TBC1D5: variants seen among roughly 807,000 people sequenced by gnomAD.
TBC1D5 encodes the protein TBC1 domain family, member 5.
TBC1D5 carries 75 observed loss-of-function variants against 100.3 expected under a neutral mutation model. That is an observed-to-expected ratio of 0.75 (90% confidence interval 0.62 to 0.91). TBC1D5 has a LOEUF of 0.91. TBC1D5 is among the 40% of genes least tolerant of loss of function. The probability of loss-of-function intolerance (pLI) is 0.00; values close to 1 mark genes in which losing one functional copy is unlikely to be tolerated. For synonymous variants in TBC1D5, 323 were observed against 325.6 expected, an observed-to-expected ratio of 0.99 and a Z score of 0.09; for missense variants, 910 against 942.4, an observed-to-expected ratio of 0.97 and a Z score of 0.45.
intron 15 of TBC1D5, among the ~76,000 whole-genome samples, chr3:17,259,808 T>C (rs1384973711): frequency 6.6e-6 from 1 of 152,166 alleles, no homozygotes. Flanking sequence ...GGACCTTTTC[T>C]TTTTCTGCTG....
intron 2 of TBC1D5, among the ~76,000 whole-genome samples, chr3:17,548,077 G>C (rs1183973735): frequency 1.3e-5 from 2 of 152,156 alleles, no homozygotes; most frequent in East Asian, 1.9e-4. Flanking sequence ...CATTTTGGGA[G>C]GCCAAGGTGG....
At chr3:17,288,170 A>G (rs991869900) in intron 15 of TBC1D5, among the ~76,000 whole-genome samples, 1 of 152,016 alleles carries the variant, frequency 6.6e-6, no homozygotes, top group Non-Finnish European at 1.5e-5. Flanking sequence ...TTTCCCCCTT[A>G]GCATAAATAG....
chr3:17,205,638 T>C (rs1447580272), intron 18 of TBC1D5, among the ~76,000 whole-genome samples: 2 of 152,184 alleles, frequency 1.3e-5, no homozygotes, highest in Non-Finnish European at 2.9e-5. Context: ...TGGTCCTCTG[T>C]CATGAGCCTC....
intron 13 of TBC1D5, among the ~76,000 whole-genome samples, chr3:17,363,607 C>T (rs954967603): frequency 6.6e-6 from 1 of 150,998 alleles, no homozygotes; most frequent in Admixed American, 6.6e-5. Context: ...ACAAGGGTCT[C>T]ACTACCTTGC....
At chr3:17,484,879 G>A (rs932782676) in intron 3 of TBC1D5, among the ~76,000 whole-genome samples, 2 of 152,046 alleles carry the variant, frequency 1.3e-5, no homozygotes, top group Non-Finnish European at 1.5e-5. Flanking sequence ...GATGAGAGGC[G>A]AGAGTGGAAA....
chr3:17,731,269 G>A (rs1332997224), intron 1 of TBC1D5, among the ~76,000 whole-genome samples: 1 of 152,028 alleles, frequency 6.6e-6, no homozygotes. Context: ...TTGGGAGGCC[G>A]AGGCGGGCGG....
At chr3:17,705,412 G>A (rs1299488137) in intron 1 of TBC1D5, among the ~76,000 whole-genome samples, 1 of 144,944 alleles carries the variant, frequency 6.9e-6, no homozygotes, top group East Asian at 2.3e-4. Context: ...CTTCCCAGAT[G>A]GGGTGGCTGC....
At chr3:17,476,029 T>A (rs1480373704) in intron 3 of TBC1D5, among the ~76,000 whole-genome samples, 3 of 152,066 alleles carry the variant, frequency 2.0e-5, no homozygotes, top group Non-Finnish European at 2.9e-5. Flanking sequence ...TACTACAAAA[T>A]ATAGGCCTTT....
At chr3:17,478,064 C>G (rs987152463) in intron 3 of TBC1D5, among the ~76,000 whole-genome samples, 6 of 152,024 alleles carry the variant, frequency 3.9e-5, no homozygotes, top group African/African-American at 2.4e-5. Context: ...CTCACTATAC[C>G]TTTTCATATG....
chr3:17,258,657 G>A, intron 15 of TBC1D5, 66 bp from the exon 16 acceptor site: 4 of 1,253,596 alleles, frequency 3.2e-6, no homozygotes, highest in Admixed American at 1.9e-5. Flanking sequence ...TAAGAGGACA[G>A]CAATGATCAT....
At chr3:17,603,159 T>G (rs576342815) in intron 2 of TBC1D5, among the ~76,000 whole-genome samples, 9 of 150,968 alleles carry the variant, frequency 6.0e-5, no homozygotes, top group African/African-American at 1.2e-4. Context: ...TTTTTGGTTT[T>G]TTTTTTTTTT....
At chr3:17,447,523 T>C (rs1177265282) in intron 3 of TBC1D5, among the ~76,000 whole-genome samples, 5 of 152,326 alleles carry the variant, frequency 3.3e-5, no homozygotes, top group Middle Eastern at 6.8e-3. Flanking sequence ...ACAGATGTAG[T>C]TGCAGGTAAC....
chr3:17,320,017 T>C (rs901860292), intron 13 of TBC1D5, among the ~76,000 whole-genome samples: 10 of 152,208 alleles, frequency 6.6e-5, no homozygotes, highest in Non-Finnish European at 1.3e-4. Flanking sequence ...CATAAGTGGA[T>C]GTATAGTAAC....
intron 1 of TBC1D5, among the ~76,000 whole-genome samples, chr3:17,633,668 T>G (rs909441711): frequency 2.0e-5 from 3 of 152,196 alleles, no homozygotes; most frequent in African/African-American, 7.2e-5. Flanking sequence ...TAAGAGAGTG[T>G]AGAATAATAT....
rs568880959 is a variant in TBC1D5, at chr3:17,489,595, T to C, written c.97+18879A>G. Among the ~76,000 whole-genome samples, 9 of 152,322 alleles carry C rather than the reference T, an allele frequency of 5.9e-5. No homozygotes were observed. In the South Asian group the frequency reaches 1.7e-3, roughly 28 times the overall value. ...CATCTACTGTTTGGTTTTCTGTTCCTGCATTAATTTGCTGAGGATAATGGC... is the reference window on the plus strand; with the variant it reads ...CATCTACTGTTTGGTTTTCTGTTCCCGCATTAATTTGCTGAGGATAATGGC... On this transcript the variant is annotated intron_variant, in intron 3 of 21. Coordinates refer to ENST00000253692, the Ensembl canonical transcript of TBC1D5.
chr3:17,256,535 AAG>A (rs1469472504), intron 16 of TBC1D5, among the ~76,000 whole-genome samples: 1 of 151,550 alleles, frequency 6.6e-6, no homozygotes, highest in East Asian at 1.9e-4. Flanking sequence ...GAGAAGGCTA[AAG>A]AGAAGAAAAT....
intron 4 of TBC1D5, 67 bp from the exon 5 acceptor site, chr3:17,406,593 A>T (rs545504924): frequency 7.0e-7 from 1 of 1,431,284 alleles, no homozygotes; most frequent in South Asian, 1.2e-5. Context: ...GAGAAGTTCT[A>T]CGGGAAATTA....
chr3:17,487,293 C>G (rs2095581379), intron 3 of TBC1D5, among the ~76,000 whole-genome samples: 1 of 152,176 alleles, frequency 6.6e-6, no homozygotes. Flanking sequence ...ACTAAGATTT[C>G]TCTATCCTGT....
intron 1 of TBC1D5, among the ~76,000 whole-genome samples, chr3:17,667,366 T>G (rs2067380544): frequency 6.6e-6 from 1 of 152,210 alleles, no homozygotes; most frequent in South Asian, 2.1e-4. Flanking sequence ...ACATAATTTA[T>G]TAAGCCCTTT....
Sources: gnomAD v4.1 joint callset for allele counts (sites outside exome capture counted in the v4.1 genomes callset) on GRCh38, gnomAD v4.1.1 for gene constraint, MANE v1.5 for transcripts, NCBI Gene and HGNC (gene_info 2026-07-23, HGNC 2026-07-21) for gene names.